Variants in TOP3A observed in about 807,000 individuals in gnomAD.
The protein encoded by TOP3A is DNA topoisomerase 3-alpha.
Under a neutral mutation model 111.3 loss-of-function variants are expected in TOP3A, and 64 were observed. That is an observed-to-expected ratio of 0.57 (90% CI 0.47 to 0.71). TOP3A has a LOEUF of 0.71. Among genes scored for constraint, TOP3A ranks in the 30% least tolerant of loss-of-function variants. The pLI is 0.00. For synonymous variants in TOP3A, 484 were observed against 485.1 expected, an observed-to-expected ratio of 1.00 and a Z score of 0.03; for missense variants, 1,104 against 1,285.0, an observed-to-expected ratio of 0.86 and a Z score of 2.15.
chr17:18,308,858 T>G (rs200843954), intron 2 of TOP3A, 24 bp downstream of exon 2: 365 of 1,472,470 alleles, frequency 2.5e-4, no homozygotes, highest in Non-Finnish European at 3.0e-4. Context: ...GATTGAAATA[T>G]TTTAGAAATA....
chr17:18,294,836 C>G, intron 9 of TOP3A, 51 bp from the exon 10 acceptor site: 1 of 1,244,630 alleles, frequency 8.0e-7, no homozygotes, highest in African/African-American at 1.5e-5. Context: ...GGTCAGGCAG[C>G]ACAACTCAAA....
At chr17:18,309,627 G>A (rs1981788915) in intron 1 of TOP3A, among the ~76,000 whole-genome samples, 1 of 151,676 alleles carries the variant, frequency 6.6e-6, no homozygotes, top group African/African-American at 2.4e-5. Flanking sequence ...CTGGGTGACA[G>A]AGCGAGACTG....
chr17:18,301,015 C>G (rs1981193917), intron 8 of TOP3A, among the ~76,000 whole-genome samples: 1 of 152,188 alleles, frequency 6.6e-6, no homozygotes, highest in Non-Finnish European at 1.5e-5. Flanking sequence ...TAGGATTAAA[C>G]AAAACAACAC....
At chr17:18,309,517 C>T (rs1235467556) in intron 1 of TOP3A, among the ~76,000 whole-genome samples, 1 of 151,808 alleles carries the variant, frequency 6.6e-6, no homozygotes, top group Admixed American at 6.6e-5. Flanking sequence ...GTGGTGTGTG[C>T]CTGTAATCCC....
intron 13 of TOP3A, among the ~76,000 whole-genome samples, chr17:18,287,016 T>G (rs1387836890): frequency 6.6e-6 from 1 of 152,040 alleles, no homozygotes; most frequent in Middle Eastern, 3.4e-3. Flanking sequence ...ACTCCTGACC[T>G]CAAGTGATTG....
intron 13 of TOP3A, among the ~76,000 whole-genome samples, chr17:18,286,743 C>T (rs1980130980): frequency 1.3e-5 from 2 of 152,174 alleles, no homozygotes; most frequent in Non-Finnish European, 2.9e-5. Flanking sequence ...AATCCCACTC[C>T]TAAGTCTACC....
At chr17:18,312,067 C>G (rs767681118) in intron 1 of TOP3A, 1 of 152,274 alleles carries the variant, frequency 6.6e-6, no homozygotes, top group Admixed American at 6.5e-5. Context: ...CAAATAGTCC[C>G]GCTATAAATG....
rs1449005061 is a variant in TOP3A, at chr17:18,274,620, G to A, written c.*182C>T. 7 of 1,035,394 alleles carry A rather than the reference G, an allele frequency of 6.8e-6. No individual in the cohort carries two copies. Among genetic ancestry groups the A allele is most frequent in the Non-Finnish European group, 9.4e-6 (7 of 745,796 alleles). 64.1% of individuals were successfully genotyped at this position (1,035,394 alleles called of 1,614,324 possible). A position where few individuals can be genotyped will look rare whatever the true frequency, so the allele number is the denominator to read the frequency against. ...GGGAAGAGGGTCACTGTCCAGCAGA[G>A]CTGGCCTGCTCCAGAGTGATCTGGA... On this transcript the variant is annotated 3_prime_UTR_variant, in exon 19 of 19. Coordinates refer to ENST00000321105, the MANE Select transcript of TOP3A (RefSeq NM_004618.5).
chr17:18,299,331 T>C (rs1981072771), intron 9 of TOP3A, among the ~76,000 whole-genome samples: 1 of 152,134 alleles, frequency 6.6e-6, no homozygotes, highest in Non-Finnish European at 1.5e-5. Context: ...CTTGGGAGGC[T>C]GAGGTGGGAA....
rs772922996 is a variant in TOP3A, at chr17:18,311,001, A to ATTT, written c.181-2063_181-2061dup. On this transcript the variant is annotated intron_variant, in intron 1 of 18. Transcript: ENST00000321105. Reference sequence around the variant, plus strand: ...TCAAACATGCATTCAACAACTATGAATTTTTTTTTTTTTTTTTGAGACAGA... The same window carrying ATTT: ...TCAAACATGCATTCAACAACTATGAATTTTTTTTTTTTTTTTTTTTGAGACAGA... Among the ~76,000 whole-genome samples, 404 of 142,148 alleles carry ATTT rather than the reference A, an allele frequency of 2.8e-3. 10 individuals are homozygous for ATTT. In the East Asian group the frequency reaches 0.053, roughly 19 times the overall value. 93.3% of individuals were successfully genotyped at this position (142,148 alleles called of 152,430 possible).
At chr17:18,306,815 G>T in intron 4 of TOP3A, 76 bp downstream of exon 4, 1 of 966,182 alleles carries the variant, frequency 1.0e-6, no homozygotes, top group Non-Finnish European at 1.6e-6. Context: ...AAATGCCAAT[G>T]CATTAAAAAC....
At chr17:18,298,418 C>T (rs1322155257) in intron 9 of TOP3A, among the ~76,000 whole-genome samples, 10 of 147,776 alleles carry the variant, frequency 6.8e-5, no homozygotes, top group East Asian at 2.0e-4. Context: ...CCTCCCCGTC[C>T]GGGAGGGAGG....
At chr17:18,297,595 G>A (rs560419040) in intron 9 of TOP3A, among the ~76,000 whole-genome samples, 25 of 152,312 alleles carry the variant, frequency 1.6e-4, no homozygotes, top group African/African-American at 5.5e-4. Flanking sequence ...ACTGGTTTTC[G>A]TATTTTTTTG....
intron 8 of TOP3A, among the ~76,000 whole-genome samples, chr17:18,300,727 T>A (rs1981176234): frequency 6.6e-6 from 1 of 152,098 alleles, no homozygotes. Flanking sequence ...AGCTAATTTT[T>A]CTTTTTTAGA....
At position 18,285,395 on chromosome 17, in the gene TOP3A, G is replaced by T; in HGVS notation, c.1711+12C>A. Reference sequence around the variant, plus strand: ...CCACCCACTACCCACTGCAAGCTCTGTCCTCCCTTACCTTCCACAAGTCCC... The same window carrying T: ...CCACCCACTACCCACTGCAAGCTCTTTCCTCCCTTACCTTCCACAAGTCCC... On this transcript the variant is annotated intron_variant, in intron 14 of 18. Coordinates refer to ENST00000321105, the MANE Select transcript of TOP3A (RefSeq NM_004618.5). 1 of 1,613,958 alleles carries T rather than the reference G, an allele frequency of 6.2e-7. No individual in the cohort carries two copies.
intron 13 of TOP3A, among the ~76,000 whole-genome samples, chr17:18,286,581 T>G (rs1275892562): frequency 6.6e-6 from 1 of 151,742 alleles, no homozygotes; most frequent in African/African-American, 2.4e-5. Flanking sequence ...ACTGGCAAAA[T>G]CAAAAAGAGA....
intron 3 of TOP3A, among the ~76,000 whole-genome samples, chr17:18,307,317 T>C (rs1323162231): frequency 2.0e-5 from 3 of 152,208 alleles, no homozygotes; most frequent in Admixed American, 1.3e-4. Flanking sequence ...TATAAATTAC[T>C]GCTGGGCGTG....
chr17:18,278,464 G>T (rs879416405), intron 17 of TOP3A, 107 bp from the exon 18 acceptor site: 3 of 1,042,748 alleles, frequency 2.9e-6, no homozygotes, highest in Non-Finnish European at 4.0e-6. Context: ...CATTCCTTAT[G>T]CATCAGGAAG....
At chr17:18,291,557 TTA>T (rs1006875512) in intron 11 of TOP3A, among the ~76,000 whole-genome samples, 1 of 152,158 alleles carries the variant, frequency 6.6e-6, no homozygotes, top group Non-Finnish European at 1.5e-5. Context: ...ACAAAAATAT[TTA>T]TGTCTACAAA....
Sources: allele counts gnomAD v4.1 joint callset (sites outside exome capture counted in the v4.1 genomes callset), GRCh38; gene constraint gnomAD v4.1.1; transcripts MANE v1.5; gene names NCBI Gene and HGNC (gene_info 2026-07-23, HGNC 2026-07-21).